Variants in ANKAR observed in about 807,000 individuals in gnomAD.
ANKAR encodes ankyrin and armadillo repeat containing, also known as ankyrin and armadillo repeat-containing protein.
ANKAR carries 136 observed loss-of-function variants against 146.2 expected under a neutral mutation model. The observed-to-expected ratio is 0.93, with a 90% CI of 0.81 to 1.07. ANKAR has a LOEUF of 1.07. Ranked by LOEUF, ANKAR falls within the 50% of genes least tolerant of loss-of-function variation. The pLI, the probability that ANKAR is intolerant of heterozygous loss-of-function variation, is 0.00. For synonymous variants in ANKAR, 500 were observed against 575.8 expected, an observed-to-expected ratio of 0.87 and a Z score of 1.88; for missense variants, 1,567 against 1,679.9, an observed-to-expected ratio of 0.93 and a Z score of 1.18.
chr2:189,755,284 TA>T (rs1376826391), intron 18 of ANKAR: 22 of 1,613,106 alleles, frequency 1.4e-5, no homozygotes, highest in Non-Finnish European at 1.7e-5. Flanking sequence ...TCAAAAGAAC[TA>T]AAAAAGGAAA....
chr2:189,731,197 A>C (rs1298841431), intron 16 of ANKAR, among the ~76,000 whole-genome samples: 1 of 152,146 alleles, frequency 6.6e-6, no homozygotes, highest in Non-Finnish European at 1.5e-5. Flanking sequence ...ACATCTATTC[A>C]AATACTCTTA....
At chr2:189,762,522 G>A, downstream of ANKAR, 1 of 877,850 alleles carries the variant, frequency 1.1e-6, no homozygotes, top group Non-Finnish European at 1.4e-6. Context: ...AGGATTGTAC[G>A]AAGCACTACC....
At chr2:189,686,447 G>A (rs2035609186) in intron 2 of ANKAR, among the ~76,000 whole-genome samples, 3 of 152,004 alleles carry the variant, frequency 2.0e-5, no homozygotes, top group South Asian at 4.1e-4. Flanking sequence ...AATGTAGCAC[G>A]GGAAATTTGT....
chr2:189,692,163 C>A, intron 3 of ANKAR, 92 bp from the exon 4 acceptor site: 1 of 1,105,562 alleles, frequency 9.0e-7, no homozygotes, highest in Non-Finnish European at 1.3e-6. Flanking sequence ...AATTTTCTCA[C>A]TTTGTTTACA....
At chr2:189,749,621 G>A (rs943106213), downstream of ANKAR, among the ~76,000 whole-genome samples, 21 of 152,020 alleles carry the variant, frequency 1.4e-4, no homozygotes, top group African/African-American at 4.6e-4. Context: ...TGATGTGAAA[G>A]TATGTGGACA....
downstream of ANKAR, among the ~76,000 whole-genome samples, chr2:189,749,832 A>G (rs1427230111): frequency 1.3e-5 from 2 of 152,194 alleles, no homozygotes; most frequent in African/African-American, 4.8e-5. Context: ...CTTTGACATG[A>G]CTGATCTAAA....
At chr2:189,698,470 C>T (rs1347254905) in intron 7 of ANKAR, among the ~76,000 whole-genome samples, 1 of 151,798 alleles carries the variant, frequency 6.6e-6, no homozygotes, top group Non-Finnish European at 1.5e-5. Flanking sequence ...AGGAATGAGT[C>T]GTTTTTGACT....
rs1418219475 is a variant in ANKAR, at chr2:189,711,665, G to C, written c.2224+512G>C. ...CAAATAGGAACAGCTCCGGTCTGCA[G>C]CTCCCAGCATGATCGGCGCAGAAGA... On this transcript the variant is annotated intron_variant, in intron 10 of 22. Coordinates refer to ENST00000684021, the MANE Select transcript of ANKAR (RefSeq NM_001378068.1). 2.0e-5 allele frequency among the ~76,000 whole-genome samples: 3 copies of C among 152,176 alleles called. No individual in the cohort carries two copies. The East Asian group carries it at 5.8e-4, about 29-fold the overall frequency.
In ANKAR at chr2:189,689,518, A is replaced by G. The variant is rs2036106307; in HGVS notation, c.602-9A>G. On this transcript the variant is annotated splice_polypyrimidine_tract_variant and intron_variant, in intron 2 of 22. Coordinates refer to ENST00000684021, the MANE Select transcript of ANKAR (RefSeq NM_001378068.1). The stretch of plus-strand genomic sequence containing the variant: ...TCACTATCTAAAATTTTCCTTTTTT[A>G]TCATGAAGGTTTGACTGATATTACA... 3 of 1,539,212 alleles carry G rather than the reference A, an allele frequency of 1.9e-6. No homozygotes were observed. The highest frequency in any genetic ancestry group is 2.2e-5 in the Admixed American group (1 of 44,710).
chr2:189,708,070 C>T (rs1050103983), intron 9 of ANKAR, among the ~76,000 whole-genome samples: 1 of 151,996 alleles, frequency 6.6e-6, no homozygotes, highest in African/African-American at 2.4e-5. Flanking sequence ...CTTACCCAAG[C>T]GTAAAGCATA....
chr2:189,695,035 A>T lies in ANKAR; in HGVS notation c.1362A>T (p.Thr454=). The change falls in exon 6 of 23, where the codon ACA becomes ACT. Residue 454 remains threonine (T), a synonymous_variant. Coordinates refer to ENST00000684021, the MANE Select transcript of ANKAR (RefSeq NM_001378068.1). ...LETFYQQLYK[T]QWWGAINEIV... Reference sequence around the variant, plus strand: ...CTTTCTATCAGCAACTATATAAGACACAGTGGTGGGGAGCCATAAATGAAA... The same window carrying T: ...CTTTCTATCAGCAACTATATAAGACTCAGTGGTGGGGAGCCATAAATGAAA... 1 of 1,610,624 alleles carries T rather than the reference A, an allele frequency of 6.2e-7. No individual in the cohort carries two copies. The highest frequency in any genetic ancestry group is 2.2e-5 in the East Asian group (1 of 44,760).
chr2:189,754,968 A>G (rs2045882821), intron 18 of ANKAR: 3 of 607,262 alleles, frequency 4.9e-6, no homozygotes, highest in Non-Finnish European at 8.2e-6. Context: ...ACAGATATGA[A>G]CCTCTTACCA....
chr2:189,754,566 CTA>C (rs1206038158), intron 18 of ANKAR: 2 of 495,250 alleles, frequency 4.0e-6, no homozygotes, highest in South Asian at 3.3e-5. Context: ...CTGCCCCTGT[CTA>C]TGTTTGCTCT....
intron 10 of ANKAR, among the ~76,000 whole-genome samples, chr2:189,714,616 G>A (rs961599646): frequency 1.1e-4 from 16 of 152,246 alleles, no homozygotes; most frequent in East Asian, 3.9e-4. Flanking sequence ...AAAGCACTGC[G>A]TAGAGGGAAA....
intron 7 of ANKAR, among the ~76,000 whole-genome samples, chr2:189,700,038 A>AT (rs56858302): frequency 0.15 from 22,502 of 149,310 alleles, 2,103 homozygotes; most frequent in African/African-American, 0.27. Flanking sequence ...CTTGACCTTC[A>AT]TTTTTTTTTT....
downstream of ANKAR, among the ~76,000 whole-genome samples, chr2:189,749,308 ATGTGTGAAAAG>A (rs549669554): frequency 5.5e-4 from 79 of 144,152 alleles, 2 homozygotes; most frequent in African/African-American, 1.7e-3. Flanking sequence ...TTTTTAAACA[ATGTGTGAAAAG>A]TCAGGCCCTG....
intron 18 of ANKAR, chr2:189,752,908 C>T: frequency 1.9e-6 from 3 of 1,613,788 alleles, no homozygotes; most frequent in Non-Finnish European, 2.5e-6. Flanking sequence ...ACAAAGTGCA[C>T]TGTGTTGCAT....
chr2:189,763,006 CACA>C (rs2047348104), downstream of ANKAR: 2 of 985,306 alleles, frequency 2.0e-6, no homozygotes, highest in East Asian at 1.1e-4. Flanking sequence ...TGTCTGACTA[CACA>C]ACATCAAGTT....
At chr2:189,684,507 A>G (rs1359714124) in intron 2 of ANKAR, among the ~76,000 whole-genome samples, 1 of 152,154 alleles carries the variant, frequency 6.6e-6, no homozygotes. Context: ...TATACAGTGC[A>G]TGACTTATAG....
Sources: gnomAD v4.1 joint callset for allele counts (sites outside exome capture counted in the v4.1 genomes callset) on GRCh38, gnomAD v4.1.1 for gene constraint, MANE v1.5 for transcripts, NCBI Gene and HGNC (gene_info 2026-07-23, HGNC 2026-07-21) for gene names.